The following COL9A1 variants were observed in gnomAD, a reference collection of about 807,000 sequenced individuals.
COL9A1 encodes collagen type IX alpha 1 chain, also known as collagen alpha-1(IX) chain.
COL9A1 carries 104 observed loss-of-function variants against 142.6 expected under a neutral mutation model. The observed-to-expected ratio is 0.73, with a 90% CI of 0.62 to 0.86. The LOEUF is 0.86. Ranked by LOEUF, COL9A1 falls within the 40% of genes least tolerant of loss-of-function variation. The pLI, the probability that COL9A1 is intolerant of heterozygous loss-of-function variation, is 0.00. For missense variants in COL9A1, 1,210 were observed against 1,176.6 expected, an observed-to-expected ratio of 1.03 and a Z score of -0.42; for synonymous variants, 466 against 396.0, an observed-to-expected ratio of 1.18 and a Z score of -2.10.
intron 37 of COL9A1, among the ~76,000 whole-genome samples, chr6:70,218,689 C>T (rs12201251): frequency 0.23 from 35,517 of 151,920 alleles, 5,024 homozygotes; most frequent in East Asian, 0.44. Flanking sequence ...TTTCAGTTGT[C>T]TTTTTATATG....
intron 10 of COL9A1, among the ~76,000 whole-genome samples, chr6:70,278,961 C>T (rs616621): frequency 0.48 from 72,576 of 152,016 alleles, 19,197 homozygotes; most frequent in African/African-American, 0.72. Flanking sequence ...CAGATAAGTC[C>T]AGCTTTCTGT....
intron 8 of COL9A1, 39 bp from the exon 9 acceptor site, chr6:70,281,078 C>T (rs764364900): frequency 1.3e-6 from 2 of 1,568,750 alleles, no homozygotes; most frequent in Non-Finnish European, 1.7e-6. Context: ...AGTCTATGAG[C>T]GGGATAGGCT....
rs1251506220 is a variant in COL9A1, at chr6:70,279,351, C to CTT, written c.975+1460_975+1461insAA. Among the ~76,000 whole-genome samples the CTT allele has an allele frequency of 4.5e-3, 689 of 152,260 alleles. 2 individuals are homozygous for CTT. Among genetic ancestry groups the CTT allele is most frequent in the African/African-American group, 0.015 (631 of 41,560 alleles). On this transcript the variant is annotated intron_variant, in intron 10 of 37. Coordinates refer to ENST00000357250, the MANE Select transcript of COL9A1 (RefSeq NM_001851.6). Reference sequence around the variant, plus strand: ...TTGTTTGAGATTCAGTTTTTACTATCTAAATATTAGTCCTTAGGTGCCTCC... The same window carrying CTT: ...TTGTTTGAGATTCAGTTTTTACTATCTTTAAATATTAGTCCTTAGGTGCCTCC...
intron 36 of COL9A1, among the ~76,000 whole-genome samples, chr6:70,228,615 A>T (rs1347836325): frequency 1.3e-5 from 2 of 152,182 alleles, no homozygotes; most frequent in African/African-American, 4.8e-5. Flanking sequence ...ATATCTGTAT[A>T]ACCATCTGCA....
chr6:70,280,980 C>G lies in COL9A1; in HGVS notation c.912+24G>C, dbSNP rs377120871. The G allele has an allele frequency of 6.2e-6, 10 of 1,613,428 alleles. No homozygotes were observed. In the East Asian group the frequency reaches 8.9e-5, roughly 14 times the overall value. Reference sequence around the variant, plus strand: ...ACACGTCTAAAGGAAGGAAGTGGAGCGCCATATGCTCCAATCAACTTACCG... The same window carrying G: ...ACACGTCTAAAGGAAGGAAGTGGAGGGCCATATGCTCCAATCAACTTACCG... On this transcript the variant is annotated intron_variant, in intron 9 of 37. Coordinates refer to ENST00000357250, the MANE Select transcript of COL9A1 (RefSeq NM_001851.6).
rs1175881870 is a variant in COL9A1 at position 70,274,764 on chromosome 6, T to C, written c.984A>G (p.Thr328=). The part of the protein sequence containing the change: ...KPGTPGADGL[T]GPDGSPGSIG... The stretch of plus-strand genomic sequence containing the variant: ...TGGAGCCAGGGGATCCATCAGGTCC[T>C]GTTAATCCCTAATAGAGCAAGACAA... Residue 328 remains threonine, a synonymous_variant, in exon 11 of 38, where the codon ACA becomes ACG. Transcript: ENST00000357250. 6.2e-7 allele frequency: 1 copy of C among 1,612,398 alleles called. No homozygotes were observed. Among genetic ancestry groups the C allele is most frequent in the Non-Finnish European group, 8.5e-7 (1 of 1,178,696 alleles).
At chr6:70,241,332 A>AC (rs1770243089) in intron 31 of COL9A1, 87 bp downstream of exon 31, 2 of 1,060,124 alleles carry the variant, frequency 1.9e-6, no homozygotes, top group Non-Finnish European at 3.0e-6. Context: ...GGTTTTATTA[A>AC]CCCCCATAAA....
At chr6:70,285,775 C>T (rs1450711756) in intron 5 of COL9A1, among the ~76,000 whole-genome samples, 1 of 152,254 alleles carries the variant, frequency 6.6e-6, no homozygotes, top group Non-Finnish European at 1.5e-5. Flanking sequence ...AGCCATCCTT[C>T]TCAACATAAA....
chr6:70,291,933 C>G (rs1393518705), intron 5 of COL9A1, among the ~76,000 whole-genome samples: 1 of 152,126 alleles, frequency 6.6e-6, no homozygotes, highest in Non-Finnish European at 1.5e-5. Context: ...AATGCTATCT[C>G]TACTTTCCAT....
intron 22 of COL9A1, 29 bp from the exon 23 acceptor site, chr6:70,255,232 A>G (rs1205801887): frequency 6.2e-7 from 1 of 1,613,608 alleles, no homozygotes; most frequent in East Asian, 2.2e-5. Context: ...AGAATAGACA[A>G]GACATGTTCA....
rs367801281 is a variant in COL9A1, at chr6:70,247,007, C to CA, written c.1873-4293dup. Among the ~76,000 whole-genome samples, 413 of 152,240 alleles carry CA rather than the reference C, an allele frequency of 2.7e-3. 1 individual carries two copies. Among genetic ancestry groups the CA allele is most frequent in the African/African-American group, 9.2e-3 (381 of 41,550 alleles). On this transcript the variant is annotated intron_variant, in intron 28 of 37. Transcript: ENST00000357250. ...AAATCACTTAGAACTATGCTTGTCT[C>CA]ATAGTAAGCATAGTAGAAGTGTTAG...
intron 16 of COL9A1, 75 bp from the exon 17 acceptor site, chr6:70,268,935 G>C (rs2127588591): frequency 2.3e-6 from 3 of 1,312,102 alleles, no homozygotes; most frequent in Middle Eastern, 3.7e-4. Flanking sequence ...CTTTGTGACA[G>C]TATCTTTTTT....
chr6:70,268,892 A>G, intron 16 of COL9A1, 32 bp from the exon 17 acceptor site: 2 of 1,608,048 alleles, frequency 1.2e-6, no homozygotes, highest in Non-Finnish European at 1.7e-6. Flanking sequence ...AAGAGAAAGA[A>G]AGACAGACAG....
At chr6:70,221,054 A>T (rs1768849812) in intron 37 of COL9A1, among the ~76,000 whole-genome samples, 1 of 152,170 alleles carries the variant, frequency 6.6e-6, no homozygotes, top group Non-Finnish European at 1.5e-5. Flanking sequence ...TAACTATTAT[A>T]TGTCAATTAA....
intron 15 of COL9A1, 65 bp from the exon 16 acceptor site, chr6:70,269,730 T>C (rs1772269285): frequency 9.9e-7 from 1 of 1,008,770 alleles, no homozygotes; most frequent in Non-Finnish European, 1.6e-6. Context: ...ATACTAATAC[T>C]AGAAAGCTCA....
intron 20 of COL9A1, among the ~76,000 whole-genome samples, chr6:70,259,284 G>A (rs570870888): frequency 6.6e-6 from 1 of 152,230 alleles, no homozygotes; most frequent in African/African-American, 2.4e-5. Context: ...GTTAATAAAA[G>A]GCTCTGTGCT....
At chr6:70,254,846 G>A in intron 24 of COL9A1, 117 bp downstream of exon 24, 1 of 981,594 alleles carries the variant, frequency 1.0e-6, no homozygotes, top group Admixed American at 2.0e-5. Context: ...TAAAGGAAGG[G>A]AAAAAGCCAA....
intron 36 of COL9A1, 41 bp downstream of exon 36, chr6:70,232,542 A>G (rs910283521): frequency 6.2e-6 from 10 of 1,601,660 alleles, no homozygotes; most frequent in Non-Finnish European, 8.5e-6. Flanking sequence ...ACATCTGAAA[A>G]AGGTTGTGTT....
chr6:70,283,832 T>C lies in COL9A1; in HGVS notation c.697-12A>G, dbSNP rs1773327380. 1.9e-6 allele frequency: 3 copies of C among 1,592,796 alleles called. No homozygotes were observed. In the African/African-American group the frequency reaches 4.0e-5, roughly 21 times the overall value. On this transcript the variant is annotated splice_polypyrimidine_tract_variant and intron_variant, in intron 5 of 37. Coordinates refer to ENST00000357250, the MANE Select transcript of COL9A1 (RefSeq NM_001851.6). The stretch of plus-strand genomic sequence containing the variant: ...CATTGAAGTTCAAACTGGAGAAAGG[T>C]AGTAGACAGTCAGGTAAGGTTTTTT...
Sources: allele counts gnomAD v4.1 joint callset (sites outside exome capture counted in the v4.1 genomes callset), GRCh38; gene constraint gnomAD v4.1.1; transcripts MANE v1.5; gene names NCBI Gene and HGNC (gene_info 2026-07-23, HGNC 2026-07-21).